FANK1: variants seen among roughly 807,000 people sequenced by gnomAD.
The protein encoded by FANK1 is fibronectin type III and ankyrin repeat domains 1, also known as fibronectin type 3 and ankyrin repeat domains protein 1.
FANK1 carries 44 observed loss-of-function variants against 45.3 expected under a neutral mutation model. The observed-to-expected ratio is 0.97, with a 90% CI of 0.76 to 1.25. FANK1 has a LOEUF of 1.25. Among genes scored for constraint, FANK1 ranks in the 50% most tolerant of loss-of-function variants. The pLI is 0.00. For missense variants in FANK1, 391 were observed against 424.4 expected (o/e 0.92, Z 0.69); for synonymous variants, 149 against 152.5 (o/e 0.98, Z 0.17).
chr10:125,956,196 A>ATT (rs138656926), intron 1 of FANK1, among the ~76,000 whole-genome samples: 13 of 89,768 alleles, frequency 1.4e-4, no homozygotes, highest in Admixed American at 4.2e-4. Context: ...TCTATGATAC[A>ATT]TTTTTTGGGG....
intron 2 of FANK1, among the ~76,000 whole-genome samples, chr10:125,986,557 A>ACT (rs145374244): frequency 0.017 from 2,527 of 152,070 alleles, 74 homozygotes; most frequent in African/African-American, 0.055. Flanking sequence ...CTGCGCCCTG[A>ACT]CTCACCGCAG....
At chr10:125,903,078 G>A (rs772456807) in intron 1 of FANK1, among the ~76,000 whole-genome samples, 2 of 152,304 alleles carry the variant, frequency 1.3e-5, no homozygotes, top group African/African-American at 4.8e-5. Flanking sequence ...AACGACTTGA[G>A]GCTTGAAGCC....
intron 1 of FANK1, among the ~76,000 whole-genome samples, chr10:125,909,708 T>G (rs1945835637): frequency 1.6e-5 from 2 of 128,986 alleles, no homozygotes; most frequent in African/African-American, 5.7e-5. Context: ...TTTTTTTTTT[T>G]GCTGTGACAG....
intron 1 of FANK1, among the ~76,000 whole-genome samples, chr10:125,962,771 TTTTC>T (rs1386811082): frequency 6.6e-6 from 1 of 152,136 alleles, no homozygotes; most frequent in African/African-American, 2.4e-5. Flanking sequence ...CTCTTGATTT[TTTTC>T]TTTCTGTTAC....
chr10:125,915,211 G>A (rs1487746512), intron 1 of FANK1, among the ~76,000 whole-genome samples: 1 of 152,108 alleles, frequency 6.6e-6, no homozygotes, highest in African/African-American at 2.4e-5. Flanking sequence ...ACCTGTGCAT[G>A]TTACATTTGT....
At chr10:126,006,880 A>G (rs1042217795) in intron 7 of FANK1, among the ~76,000 whole-genome samples, 4 of 152,176 alleles carry the variant, frequency 2.6e-5, no homozygotes, top group Non-Finnish European at 5.9e-5. Flanking sequence ...ATCATTCACA[A>G]TAGGGCAAAT....
At chr10:125,955,931 C>G (rs1352003353) in intron 1 of FANK1, among the ~76,000 whole-genome samples, 1 of 152,100 alleles carries the variant, frequency 6.6e-6, no homozygotes, top group Non-Finnish European at 1.5e-5. Flanking sequence ...ATATCATGTT[C>G]AAGGAAAATG....
chr10:125,996,720 C>T, intron 5 of FANK1, 96 bp downstream of exon 5: 1 of 1,148,560 alleles, frequency 8.7e-7, no homozygotes, highest in South Asian at 1.4e-5. Context: ...GAAAAAGGGC[C>T]ATGGAGGAAC....
At chr10:125,911,880 A>C (rs1243921611) in intron 1 of FANK1, among the ~76,000 whole-genome samples, 1 of 152,064 alleles carries the variant, frequency 6.6e-6, no homozygotes, top group African/African-American at 2.4e-5. Context: ...TGTTAACCTT[A>C]TATAGGGCGG....
intron 1 of FANK1, among the ~76,000 whole-genome samples, chr10:125,956,341 G>A (rs960155719): frequency 5.3e-5 from 8 of 152,128 alleles, no homozygotes; most frequent in African/African-American, 1.9e-4. Flanking sequence ...CTTAAAGATT[G>A]TACAGAAAAT....
At chr10:125,979,284 TC>T (rs964671427) in intron 1 of FANK1, among the ~76,000 whole-genome samples, 1 of 152,166 alleles carries the variant, frequency 6.6e-6, no homozygotes, top group African/African-American at 2.4e-5. Context: ...ACTCGCCCCT[TC>T]TGTTCCTCTC....
chr10:125,935,981 G>T (rs1249042597), intron 1 of FANK1, among the ~76,000 whole-genome samples: 1 of 152,122 alleles, frequency 6.6e-6, no homozygotes, highest in East Asian at 1.9e-4. Context: ...TACCTTCTCT[G>T]AATTCGTCAT....
intron 2 of FANK1, chr10:125,980,863 C>T (rs1316485246): frequency 6.5e-6 from 1 of 153,226 alleles, no homozygotes; most frequent in South Asian, 2.1e-4. Flanking sequence ...TTCCTTCACA[C>T]CATGCCAATC....
At chr10:125,949,552 T>TA (rs1455292554) in intron 1 of FANK1, among the ~76,000 whole-genome samples, 10 of 151,022 alleles carry the variant, frequency 6.6e-5, no homozygotes, top group Non-Finnish European at 1.5e-4. Context: ...GAATCCAACT[T>TA]ACAAGGGATG....
chr10:125,923,654 A>G (rs1021913155), intron 1 of FANK1, among the ~76,000 whole-genome samples: 20 of 151,768 alleles, frequency 1.3e-4, no homozygotes, highest in Non-Finnish European at 2.7e-4. Context: ...CAGCCTCCCA[A>G]GTAGGTGGGA....
chr10:125,985,822 A>C (rs970747088), intron 2 of FANK1, among the ~76,000 whole-genome samples: 12 of 152,206 alleles, frequency 7.9e-5, no homozygotes, highest in African/African-American at 2.9e-4. Context: ...TGTGTGATGC[A>C]TCAGCTGGGA....
chr10:125,968,771 G>A (rs1174195310), intron 1 of FANK1, among the ~76,000 whole-genome samples: 1 of 152,060 alleles, frequency 6.6e-6, no homozygotes, highest in Non-Finnish European at 1.5e-5. Flanking sequence ...CTAATATTGT[G>A]TAGTGGTTTA....
chr10:125,919,367 G>A (rs76570938), intron 1 of FANK1, among the ~76,000 whole-genome samples: 4 of 151,562 alleles, frequency 2.6e-5, no homozygotes, highest in African/African-American at 9.7e-5. Flanking sequence ...CACCACACCC[G>A]GCTGATTTTT....
chr10:125,918,596 A>C (rs11244700), intron 1 of FANK1, among the ~76,000 whole-genome samples: 13,402 of 119,922 alleles, frequency 0.11, 1,255 homozygotes, highest in Middle Eastern at 0.28. Context: ...ATATATATAT[A>C]TATATATATA....
Sources: allele counts gnomAD v4.1 joint callset (sites outside exome capture counted in the v4.1 genomes callset), GRCh38; gene constraint gnomAD v4.1.1; transcripts MANE v1.5; gene names NCBI Gene and HGNC (gene_info 2026-07-23, HGNC 2026-07-21).